EPHA6: variants seen among roughly 807,000 people sequenced by gnomAD.
The protein encoded by EPHA6 is EPH receptor A6.
In EPHA6, 50 loss-of-function variants were observed where a neutral mutation model predicts 112.0. The ratio of observed to expected loss-of-function variants is 0.45; its 90% CI spans 0.36 to 0.56. EPHA6 has a LOEUF of 0.56. EPHA6 is among the 20% of genes least tolerant of loss of function. EPHA6 has a pLI of 0.00. For synonymous variants in EPHA6, 529 were observed against 490.7 expected, an observed-to-expected ratio of 1.08 and a Z score of -1.03; for missense variants, 1,280 against 1,417.4, an observed-to-expected ratio of 0.90 and a Z score of 1.56.
chr3:97,493,390 C>A (rs1467797559), intron 10 of EPHA6, among the ~76,000 whole-genome samples: 1 of 152,264 alleles, frequency 6.6e-6, no homozygotes, highest in South Asian at 2.1e-4. Context: ...CCTACATGGT[C>A]AGGTTCTGGA....
intron 3 of EPHA6, among the ~76,000 whole-genome samples, chr3:97,037,970 C>CATTT (rs551898152): frequency 2.6e-5 from 4 of 151,356 alleles, no homozygotes; most frequent in Non-Finnish European, 4.4e-5. Context: ...TGTAGTGAGG[C>CATTT]ATTTATTTAT....
intron 10 of EPHA6, among the ~76,000 whole-genome samples, chr3:97,507,669 G>C (rs755866727): frequency 6.6e-6 from 1 of 152,058 alleles, no homozygotes; most frequent in East Asian, 1.9e-4. Flanking sequence ...GATGATGCTG[G>C]CCTCTTAAAA....
At chr3:97,012,078 A>G (rs569442269) in intron 3 of EPHA6, among the ~76,000 whole-genome samples, 1 of 152,234 alleles carries the variant, frequency 6.6e-6, no homozygotes, top group East Asian at 1.9e-4. Flanking sequence ...ACCTAGGTTG[A>G]TTCAATGTGT....
At chr3:97,360,754 A>C (rs1159598601) in intron 5 of EPHA6, among the ~76,000 whole-genome samples, 1 of 152,244 alleles carries the variant, frequency 6.6e-6, no homozygotes, top group Admixed American at 6.5e-5. Flanking sequence ...CTCTAAATGA[A>C]ATCAAAGGAA....
At chr3:96,856,245 TA>T (rs531650866) in intron 1 of EPHA6, among the ~76,000 whole-genome samples, 103 of 146,268 alleles carry the variant, frequency 7.0e-4, no homozygotes, top group Middle Eastern at 3.5e-3. Flanking sequence ...TCTCATAAAT[TA>T]AAAAAAAAAA....
At chr3:97,001,017 G>GATATAT (rs57116000) in intron 3 of EPHA6, among the ~76,000 whole-genome samples, 6,538 of 114,550 alleles carry the variant, frequency 0.057, 421 homozygotes, top group Middle Eastern at 0.12. Flanking sequence ...GTCAGAAATT[G>GATATAT]ATATATATAT....
intron 14 of EPHA6, among the ~76,000 whole-genome samples, chr3:97,671,520 T>C (rs1224621047): frequency 6.6e-6 from 1 of 152,178 alleles, no homozygotes; most frequent in Non-Finnish European, 1.5e-5. Context: ...TTGGAAAATA[T>C]GGGTTTGTGA....
In EPHA6 at chr3:97,513,119, G is replaced by T. The variant is rs2092393440; in HGVS notation, c.2201-19239G>T. Among the ~76,000 whole-genome samples, 3 of 152,060 alleles carry T rather than the reference G, an allele frequency of 2.0e-5. No homozygotes were observed. The South Asian group carries it at 6.2e-4, about 32-fold the overall frequency. ...CATTAAGTAACATTATTTACTCATG[G>T]TGTTCAATATTGTGAACACTAGGGA... is the stretch of plus-strand genomic sequence containing the variant. On this transcript the variant is annotated intron_variant, in intron 10 of 17. Transcript: ENST00000389672.
chr3:96,871,857 G>T lies in EPHA6; in HGVS notation c.450+4968G>T, dbSNP rs141732662. Among the ~76,000 whole-genome samples the T allele has an allele frequency of 2.0e-5, 3 of 152,030 alleles. No individual in the cohort carries two copies. The East Asian group carries it at 5.8e-4, about 30-fold the overall frequency. On this transcript the variant is annotated intron_variant, in intron 2 of 17. Coordinates refer to ENST00000389672, the MANE Select transcript of EPHA6 (RefSeq NM_001080448.3). Reference sequence around the variant, plus strand: ...ACCAAGAATTGCCAAAGCAAATATGGGCAGTAATAATAGAAAGACTCATTG... The same window carrying T: ...ACCAAGAATTGCCAAAGCAAATATGTGCAGTAATAATAGAAAGACTCATTG...
chr3:97,251,374 C>CA (rs1280178237), intron 5 of EPHA6, among the ~76,000 whole-genome samples: 6 of 151,506 alleles, frequency 4.0e-5, no homozygotes, highest in Non-Finnish European at 8.8e-5. Flanking sequence ...ACTAAAAATA[C>CA]AAAAAATTAG....
chr3:97,343,081 C>T (rs565063286), intron 5 of EPHA6, among the ~76,000 whole-genome samples: 33 of 152,174 alleles, frequency 2.2e-4, no homozygotes, highest in South Asian at 1.0e-3. Flanking sequence ...AAAGCAATTC[C>T]GGTATTGGCT....
chr3:97,325,569 T>C (rs902074702), intron 5 of EPHA6, among the ~76,000 whole-genome samples: 1 of 152,064 alleles, frequency 6.6e-6, no homozygotes, highest in African/African-American at 2.4e-5. Context: ...GGGATCTAAT[T>C]CAGCCCCTAG....
intron 6 of EPHA6, among the ~76,000 whole-genome samples, chr3:97,425,992 T>A (rs776209357): frequency 2.6e-5 from 4 of 152,138 alleles, no homozygotes; most frequent in Non-Finnish European, 5.9e-5. Context: ...CACATCACCA[T>A]ACATTTTGAT....
intron 3 of EPHA6, among the ~76,000 whole-genome samples, chr3:97,110,943 TG>T (rs1439286062): frequency 1.3e-5 from 2 of 152,262 alleles, no homozygotes; most frequent in Admixed American, 1.3e-4. Flanking sequence ...CTACAAAATA[TG>T]TGATTATTAC....
chr3:96,949,556 G>T (rs1479193359), intron 2 of EPHA6, among the ~76,000 whole-genome samples: 1 of 152,072 alleles, frequency 6.6e-6, no homozygotes, highest in South Asian at 2.1e-4. Flanking sequence ...ATTAGCACAT[G>T]AAATTAAACC....
chr3:97,311,549 T>C (rs1031965373), intron 5 of EPHA6, among the ~76,000 whole-genome samples: 11 of 151,740 alleles, frequency 7.2e-5, no homozygotes, highest in African/African-American at 2.4e-4. Flanking sequence ...ATTTACCTTT[T>C]CTTTCCCTTT....
rs575214890 is a variant in EPHA6 at position 97,176,710 on chromosome 3, G to A, written c.1115-49554G>A. Among the ~76,000 whole-genome samples the A allele has an allele frequency of 6.2e-4, 94 of 151,680 alleles. No homozygotes were observed. In the South Asian group the frequency reaches 6.8e-3, roughly 11 times the overall value. On this transcript the variant is annotated intron_variant, in intron 3 of 17. Transcript: ENST00000389672. ...TTGCTCATAGTAGCCACTAATTATCGTTTGAATTTTTGCAGTATTAGTTGT... is the reference window on the plus strand; with the variant it reads ...TTGCTCATAGTAGCCACTAATTATCATTTGAATTTTTGCAGTATTAGTTGT...
At chr3:97,430,155 G>T (rs534746892) in intron 6 of EPHA6, among the ~76,000 whole-genome samples, 89 of 152,106 alleles carry the variant, frequency 5.9e-4, no homozygotes, top group Admixed American at 1.4e-3. Flanking sequence ...GAAAAAATTG[G>T]CACAGTAGGT....
intron 3 of EPHA6, among the ~76,000 whole-genome samples, chr3:97,046,369 C>A (rs563926806): frequency 2.0e-4 from 30 of 152,176 alleles, no homozygotes; most frequent in Admixed American, 2.0e-3. Context: ...GATTTTAACA[C>A]CTACCCATGG....
Sources: allele counts gnomAD v4.1 joint callset (sites outside exome capture counted in the v4.1 genomes callset), GRCh38; gene constraint gnomAD v4.1.1; transcripts MANE v1.5; gene names NCBI Gene and HGNC (gene_info 2026-07-23, HGNC 2026-07-21).